Variants in DEFB104B observed in about 807,000 individuals in gnomAD.
DEFB104B encodes beta-defensin 104.
chr8:7,474,782 G>A (rs1400730676), intron 1 of DEFB104B, among the ~76,000 whole-genome samples: 5 of 133,770 alleles, frequency 3.7e-5, no homozygotes, highest in Admixed American at 1.5e-4. Flanking sequence ...TGATCCCTAC[G>A]TTTCTTTTTT....
Position 7,472,355 on chromosome 8 carries a change from G to T in DEFB104B, c.59-1839C>A, listed in dbSNP as rs1308212331. Among the ~76,000 whole-genome samples, 8 of 125,166 alleles carry T rather than the reference G, an allele frequency of 6.4e-5. 1 individual carries two copies. Among genetic ancestry groups the T allele is most frequent in the African/African-American group, 2.6e-4 (8 of 30,688 alleles). The allele number at this position is 125,166 out of a possible 152,430, so 82.1% of individuals were successfully genotyped here. A position where few individuals can be genotyped will look rare whatever the true frequency, so the allele number is the denominator to read the frequency against. On this transcript the variant is annotated intron_variant, in intron 1 of 1. Transcript: ENST00000316169. ...CAACCTTTAAAATGTTAGACTGTCA[G>T]TTTCAAACAAGCCCTCACAGGCCAT... is the stretch of plus-strand genomic sequence containing the variant.
chr8:7,474,228 G>C (rs1472259812), intron 1 of DEFB104B, among the ~76,000 whole-genome samples: 1 of 144,896 alleles, frequency 6.9e-6, no homozygotes, highest in African/African-American at 2.5e-5. Context: ...AAAACAATTG[G>C]TTTCGTCCCA....
rs533710110 is a variant in DEFB104B, at chr8:7,474,479, A to G, written c.58+532T>C. On this transcript the variant is annotated intron_variant, in intron 1 of 1. Coordinates refer to ENST00000316169, the MANE Select transcript of DEFB104B (RefSeq NM_001040702.1). ...AAAGGCACCTGCTATTTGTGTTGTC[A>G]GTAAATTACGTTCTTGCCTACTGAA... 2.3e-3 allele frequency among the ~76,000 whole-genome samples: 330 copies of G among 142,092 alleles called. 12 individuals carry two copies. The highest frequency in any genetic ancestry group is 4.1e-3 in the Non-Finnish European group (258 of 63,176). The allele number at this position is 142,092 out of a possible 152,430, so 93.2% of individuals were successfully genotyped here.
At position 7,472,088 on chromosome 8, in the gene DEFB104B, T is replaced by A. The variant is rs1186256606; in HGVS notation, c.59-1572A>T. Among the ~76,000 whole-genome samples, 5 of 149,304 alleles carry A rather than the reference T, an allele frequency of 3.3e-5. No individual in the cohort carries two copies. In the East Asian group the frequency reaches 9.8e-4, roughly 29 times the overall value. On this transcript the variant is annotated intron_variant, in intron 1 of 1. Coordinates refer to ENST00000316169, the MANE Select transcript of DEFB104B (RefSeq NM_001040702.1). ...AAAGACTGTTTTGCTGTAGGCTTCA[T>A]TCAAAAGCAAGCCCCTGTGGTCACA... is the stretch of plus-strand genomic sequence containing the variant.
rs1171823001 is a variant in DEFB104B at position 7,472,732 on chromosome 8, A to T, written c.59-2216T>A. 1.2e-4 allele frequency among the ~76,000 whole-genome samples: 16 copies of T among 133,438 alleles called. 2 individuals carry two copies. In the East Asian group the frequency reaches 4.0e-3, roughly 33 times the overall value. 87.5% of individuals were successfully genotyped at this position (133,438 alleles called of 152,430 possible). ...GACACACCTGTGACACAACCTCAGG[A>T]GGTCCTGAGGACATGTGCCCAAGGT... On this transcript the variant is annotated intron_variant, in intron 1 of 1. Coordinates refer to ENST00000316169, the MANE Select transcript of DEFB104B (RefSeq NM_001040702.1).
chr8:7,473,947 G>C (rs572128949), intron 1 of DEFB104B, among the ~76,000 whole-genome samples: 29 of 140,142 alleles, frequency 2.1e-4, no homozygotes, highest in African/African-American at 7.2e-4. Flanking sequence ...AAGAAAACCT[G>C]TTCTTTGATA....
At chr8:7,472,413 G>A (rs1242660840) in intron 1 of DEFB104B, among the ~76,000 whole-genome samples, 2 of 135,308 alleles carry the variant, frequency 1.5e-5, no homozygotes, top group Admixed American at 7.4e-5. Context: ...GCTCAGAGAA[G>A]GAAAGTGACT....
Position 7,472,849 on chromosome 8 carries a change from G to T in DEFB104B, c.58+2162C>A, listed in dbSNP as rs1344894345. ...AAGATTTGCTTTGTTTTTTTTGTTT[G>T]TTTGTTTGTTTGTTTGGTTTTTTTT... On this transcript the variant is annotated intron_variant, in intron 1 of 1. Coordinates refer to ENST00000316169, the MANE Select transcript of DEFB104B (RefSeq NM_001040702.1). Among the ~76,000 whole-genome samples the T allele has an allele frequency of 3.7e-4, 48 of 129,580 alleles. 1 individual carries two copies. Among genetic ancestry groups the T allele is most frequent in the Non-Finnish European group, 4.7e-4 (29 of 62,008 alleles). 85.0% of individuals were successfully genotyped at this position (129,580 alleles called of 152,430 possible). A position where few individuals can be genotyped will look rare whatever the true frequency, so the allele number is the denominator to read the frequency against.
At chr8:7,470,876 C>T (rs1279984957) in intron 1 of DEFB104B, among the ~76,000 whole-genome samples, 9 of 132,042 alleles carry the variant, frequency 6.8e-5, no homozygotes, top group African/African-American at 2.3e-4. Context: ...GTGGCCCTCA[C>T]TCTGTCCATG....
chr8:7,474,711 G>C (rs1363502732), intron 1 of DEFB104B, among the ~76,000 whole-genome samples: 3 of 140,174 alleles, frequency 2.1e-5, no homozygotes, highest in Non-Finnish European at 4.8e-5. Flanking sequence ...CCTCACTGCT[G>C]AGGATTCCAT....
In DEFB104B at chr8:7,474,740, G is replaced by A. The variant is rs1180767137; in HGVS notation, c.58+271C>T. Among the ~76,000 whole-genome samples, 24 of 138,450 alleles carry A rather than the reference G, an allele frequency of 1.7e-4. 2 individuals carry two copies. Among genetic ancestry groups the A allele is most frequent in the African/African-American group, 5.8e-4 (22 of 38,146 alleles). 90.8% of individuals were successfully genotyped at this position (138,450 alleles called of 152,430 possible). Reference sequence around the variant, plus strand: ...ATTCCATGAGGAATTGTTACCGTGTGTGGCCAGGGTGCCAAGGACATCTAG... The same window carrying A: ...ATTCCATGAGGAATTGTTACCGTGTATGGCCAGGGTGCCAAGGACATCTAG... On this transcript the variant is annotated intron_variant, in intron 1 of 1. Transcript: ENST00000316169.
At chr8:7,474,648 C>A (rs1811065761) in intron 1 of DEFB104B, among the ~76,000 whole-genome samples, 1 of 141,216 alleles carries the variant, frequency 7.1e-6, no homozygotes. Flanking sequence ...TCTACAAAAT[C>A]AACAATGAAT....
chr8:7,472,422 C>A (rs181161130), intron 1 of DEFB104B, among the ~76,000 whole-genome samples: 1,514 of 135,962 alleles, frequency 0.011, 160 homozygotes, highest in African/African-American at 0.041. Context: ...AGGAAAGTGA[C>A]TAATCTGACG....
intron 1 of DEFB104B, among the ~76,000 whole-genome samples, chr8:7,473,804 G>T (rs1249672984): frequency 7.7e-6 from 1 of 129,844 alleles, no homozygotes; most frequent in African/African-American, 2.6e-5. Flanking sequence ...AACTGCAGAG[G>T]ACAGTCTGAC....
chr8:7,474,034 G>A (rs1204114003), intron 1 of DEFB104B, among the ~76,000 whole-genome samples: 1 of 139,886 alleles, frequency 7.1e-6, no homozygotes, highest in East Asian at 2.0e-4. Context: ...GAAATGACAC[G>A]GGAAGAAAGA....
chr8:7,471,978 C>T (rs1444242248), intron 1 of DEFB104B, among the ~76,000 whole-genome samples: 4 of 151,134 alleles, frequency 2.6e-5, no homozygotes, highest in Admixed American at 6.6e-5. Context: ...TAGGTGAGGA[C>T]TAAAAGGCAG....
chr8:7,472,836 G>GTTTT (rs372274885), intron 1 of DEFB104B, among the ~76,000 whole-genome samples: 2 of 130,526 alleles, frequency 1.5e-5, no homozygotes, highest in South Asian at 2.7e-4. Context: ...GATTTGCTTT[G>GTTTT]TTTTTTTTGT....
At chr8:7,471,168 G>A (rs1197771831) in intron 1 of DEFB104B, among the ~76,000 whole-genome samples, 1 of 144,732 alleles carries the variant, frequency 6.9e-6, no homozygotes. Flanking sequence ...ATCTATATAG[G>A]TATATATATA....
chr8:7,471,044 G>A (rs1192898207), intron 1 of DEFB104B, among the ~76,000 whole-genome samples: 1 of 151,910 alleles, frequency 6.6e-6, no homozygotes, highest in Non-Finnish European at 1.5e-5. Flanking sequence ...CCAATATTGG[G>A]CAAATCTTTC....
Sources: allele counts gnomAD v4.1 joint callset (sites outside exome capture counted in the v4.1 genomes callset), GRCh38; gene constraint gnomAD v4.1.1; transcripts MANE v1.5; gene names NCBI Gene and HGNC (gene_info 2026-07-23, HGNC 2026-07-21).